The following EPB41L4A variants were observed in gnomAD, a reference collection of about 807,000 sequenced individuals.
EPB41L4A encodes the protein band 4.1-like protein 4A.
EPB41L4A carries 100 observed loss-of-function variants against 108.6 expected under a neutral mutation model. The observed-to-expected ratio is 0.92, with a 90% CI of 0.78 to 1.09. The LOEUF (loss-of-function observed/expected upper bound fraction) is 1.09. Among genes scored for constraint, EPB41L4A ranks in the 50% least tolerant of loss-of-function variants. EPB41L4A has a pLI of 0.00. For missense variants in EPB41L4A, 1,030 were observed against 842.7 expected, an observed-to-expected ratio of 1.22 and a Z score of -2.75; for synonymous variants, 319 against 289.0, an observed-to-expected ratio of 1.10 and a Z score of -1.05.
intron 12 of EPB41L4A, among the ~76,000 whole-genome samples, chr5:112,215,769 A>AAT (rs1285407827): frequency 2.9e-5 from 4 of 139,506 alleles, no homozygotes; most frequent in African/African-American, 1.0e-4. Context: ...TCTCAAAAAA[A>AAT]AAAAAAAACA....
intron 18 of EPB41L4A, among the ~76,000 whole-genome samples, chr5:112,174,114 C>A (rs966026667): frequency 6.6e-6 from 1 of 152,094 alleles, no homozygotes; most frequent in Admixed American, 6.5e-5. Context: ...AGTTTTAAGG[C>A]GAGGAAAAGT....
At chr5:112,350,898 A>G (rs1158575633) in intron 1 of EPB41L4A, among the ~76,000 whole-genome samples, 2 of 152,172 alleles carry the variant, frequency 1.3e-5, no homozygotes, top group African/African-American at 4.8e-5. Context: ...ATGATTCTCT[A>G]TCTTTGCTAT....
chr5:112,340,094 G>A (rs374772264), intron 1 of EPB41L4A, among the ~76,000 whole-genome samples: 4 of 152,116 alleles, frequency 2.6e-5, no homozygotes, highest in Non-Finnish European at 4.4e-5. Context: ...GAAAAGTCAC[G>A]GAGGAGAGCC....
intron 12 of EPB41L4A, among the ~76,000 whole-genome samples, chr5:112,223,065 A>G (rs1407715973): frequency 6.6e-6 from 1 of 151,894 alleles, no homozygotes; most frequent in African/African-American, 2.4e-5. Context: ...CAGCCTTCCA[A>G]GTAGCTAGGA....
At chr5:112,397,344 A>G (rs953601058) in intron 1 of EPB41L4A, among the ~76,000 whole-genome samples, 7 of 152,248 alleles carry the variant, frequency 4.6e-5, no homozygotes, top group African/African-American at 7.2e-5. Context: ...AACAGAAACA[A>G]TGATTTTTAC....
chr5:112,397,260 A>G (rs1761418677), intron 1 of EPB41L4A, among the ~76,000 whole-genome samples: 1 of 152,230 alleles, frequency 6.6e-6, no homozygotes, highest in East Asian at 1.9e-4. Flanking sequence ...AGAATTCCCA[A>G]GGAAATAACT....
intron 7 of EPB41L4A, among the ~76,000 whole-genome samples, chr5:112,261,356 A>C (rs1751470460): frequency 6.6e-6 from 1 of 152,208 alleles, no homozygotes; most frequent in South Asian, 2.1e-4. Flanking sequence ...GCACTAGATA[A>C]AGTTTTATTA....
intron 22 of EPB41L4A, 78 bp downstream of exon 22, chr5:112,168,661 A>C: frequency 8.7e-7 from 1 of 1,147,510 alleles, no homozygotes; most frequent in East Asian, 2.4e-5. Flanking sequence ...ACCTCCCTAA[A>C]GGAACTTTCC....
At chr5:112,380,093 T>A (rs1347526411) in intron 1 of EPB41L4A, among the ~76,000 whole-genome samples, 2 of 152,194 alleles carry the variant, frequency 1.3e-5, no homozygotes, top group African/African-American at 4.8e-5. Context: ...GATGTCTCCC[T>A]GCTCTTGGAG....
At chr5:112,264,583 A>G (rs1162303610) in intron 6 of EPB41L4A, 2 of 181,822 alleles carry the variant, frequency 1.1e-5, no homozygotes, top group Non-Finnish European at 2.3e-5. Context: ...CCACTATGTA[A>G]TATCATAAAT....
rs1554071143 is a variant in EPB41L4A, at chr5:112,165,119, C to CTAAAG, written c.1933-2_1933-1insCTTTA. The CTAAAG allele has an allele frequency of 3.6e-6, 3 of 844,900 alleles. No homozygotes were observed. The highest frequency in any genetic ancestry group is 4.4e-6 in the Non-Finnish European group (3 of 684,828). 52.3% of individuals were successfully genotyped at this position (844,900 alleles called of 1,614,324 possible). A position where few individuals can be genotyped will look rare whatever the true frequency, so the allele number is the denominator to read the frequency against. The stretch of plus-strand genomic sequence containing the variant: ...GGCTATCTTTAGACCCATTTCTTCT[C>CTAAAG]TAAAATATATTTGAAAAATGTAGAA... On this transcript the variant is annotated splice_acceptor_variant, in intron 22 of 22. Transcript: ENST00000261486. LOFTEE classifies it high-confidence loss of function.
At chr5:112,351,746 C>CA (rs1452620332) in intron 1 of EPB41L4A, among the ~76,000 whole-genome samples, 1 of 152,052 alleles carries the variant, frequency 6.6e-6, no homozygotes, top group Non-Finnish European at 1.5e-5. Context: ...AAATCCCGAA[C>CA]AAAAGACTAA....
Position 112,186,029 on chromosome 5 carries a change from T to A in EPB41L4A, c.1503-1894A>T, listed in dbSNP as rs114211608. On this transcript the variant is annotated intron_variant, in intron 17 of 22. Coordinates refer to ENST00000261486, the MANE Select transcript of EPB41L4A (RefSeq NM_022140.5). The stretch of plus-strand genomic sequence containing the variant: ...AAGGTGCTGCGCTGGCAAGGTGGCA[T>A]CTCCCTTCCTACAGGAACCCACACC... 3.0e-3 allele frequency among the ~76,000 whole-genome samples: 451 copies of A among 152,136 alleles called. 1 individual carries two copies. The highest frequency in any genetic ancestry group is 0.01 in the Middle Eastern group (3 of 294).
intron 2 of EPB41L4A, among the ~76,000 whole-genome samples, chr5:112,289,590 C>A (rs1457058105): frequency 6.6e-6 from 1 of 152,190 alleles, no homozygotes; most frequent in East Asian, 1.9e-4. Context: ...TGGTATCCTT[C>A]CCTCCCTTTG....
chr5:112,267,065 ACT>A (rs1358283353), intron 4 of EPB41L4A, among the ~76,000 whole-genome samples: 1 of 152,116 alleles, frequency 6.6e-6, no homozygotes, highest in Non-Finnish European at 1.5e-5. Context: ...TGACCCTGGA[ACT>A]CTATCAATCA....
intron 6 of EPB41L4A, chr5:112,263,334 C>A (rs1751628327): frequency 6.6e-6 from 1 of 152,118 alleles, no homozygotes; most frequent in African/African-American, 2.4e-5. Flanking sequence ...CCTGCAGTGA[C>A]ATATTTCATT....
intron 1 of EPB41L4A, among the ~76,000 whole-genome samples, chr5:112,379,003 G>C (rs1759996459): frequency 6.6e-6 from 1 of 152,158 alleles, no homozygotes; most frequent in East Asian, 1.9e-4. Context: ...AGGTGTCTAT[G>C]AGCGTGCAGG....
downstream of EPB41L4A, among the ~76,000 whole-genome samples, chr5:112,159,524 C>G (rs921366135): frequency 6.6e-6 from 1 of 152,226 alleles, no homozygotes. Flanking sequence ...AATCCCAACA[C>G]CTTGCCCTGT....
intron 4 of EPB41L4A, among the ~76,000 whole-genome samples, chr5:112,267,664 A>G (rs182400669): frequency 7.2e-5 from 11 of 152,164 alleles, no homozygotes; most frequent in African/African-American, 2.7e-4. Context: ...TCTCTCCTAA[A>G]CTTCTAAAAC....
Sources: gnomAD v4.1 joint callset for allele counts (sites outside exome capture counted in the v4.1 genomes callset) on GRCh38, gnomAD v4.1.1 for gene constraint, MANE v1.5 for transcripts, NCBI Gene and HGNC (gene_info 2026-07-23, HGNC 2026-07-21) for gene names.